The following IGSF11 variants were observed in gnomAD, a reference collection of about 807,000 sequenced individuals.
The protein encoded by IGSF11 is immunoglobulin superfamily member 11, also known as CXADR like 1.
In IGSF11, 22 loss-of-function variants were observed where a neutral mutation model predicts 41.0. The ratio of observed to expected loss-of-function variants is 0.54; its 90% CI spans 0.38 to 0.77. The LOEUF is 0.77. Ranked by LOEUF, IGSF11 falls within the 30% of genes least tolerant of loss-of-function variation. The pLI is 0.00. For missense variants in IGSF11, 444 were observed against 530.8 expected (o/e 0.84, Z 1.61); for synonymous variants, 219 against 201.3 (o/e 1.09, Z -0.74).
intron 1 of IGSF11, among the ~76,000 whole-genome samples, chr3:119,093,607 C>G (rs957194645): frequency 1.8e-4 from 28 of 152,158 alleles, no homozygotes; most frequent in Admixed American, 1.4e-3. Flanking sequence ...GTTTACTTCC[C>G]TCTACCTTCC....
intron 1 of IGSF11, among the ~76,000 whole-genome samples, chr3:119,096,152 T>C (rs1043118319): frequency 1.3e-5 from 2 of 152,066 alleles, no homozygotes; most frequent in Non-Finnish European, 2.9e-5. Flanking sequence ...TTGAGTAAAC[T>C]CTATCATGGT....
At chr3:118,997,928 T>C (rs1351333701) in intron 1 of IGSF11, among the ~76,000 whole-genome samples, 1 of 152,198 alleles carries the variant, frequency 6.6e-6, no homozygotes, top group East Asian at 1.9e-4. Context: ...CCATTACTTT[T>C]CCAAAGACAC....
chr3:118,927,054 G>GA (rs771259201), intron 3 of IGSF11, among the ~76,000 whole-genome samples: 29 of 151,630 alleles, frequency 1.9e-4, no homozygotes, highest in Admixed American at 3.3e-4. Flanking sequence ...ATGAATGAAT[G>GA]AAAAAATGAA....
At chr3:118,970,767 C>T (rs1185403663) in intron 1 of IGSF11, among the ~76,000 whole-genome samples, 1 of 142,798 alleles carries the variant, frequency 7.0e-6, no homozygotes, top group African/African-American at 2.6e-5. Context: ...AAAAAAAAAA[C>T]CACAACTAAT....
chr3:119,140,014 T>C (rs951712281), intron 1 of IGSF11, among the ~76,000 whole-genome samples: 1 of 151,870 alleles, frequency 6.6e-6, no homozygotes, highest in Admixed American at 6.6e-5. Context: ...ACTCCAAAAA[T>C]AGTAAAATAA....
At chr3:119,068,917 TTTTTTTTTTC>T (rs1364331603) in intron 1 of IGSF11, among the ~76,000 whole-genome samples, 309 of 11,406 alleles carry the variant, frequency 0.027, 5 homozygotes, top group African/African-American at 0.17. Context: ...GGTTATTTTC[TTTTTTTTTTC>T]TTTTTTTTTT....
chr3:118,985,913 G>C (rs540022772), intron 1 of IGSF11, among the ~76,000 whole-genome samples: 8 of 152,188 alleles, frequency 5.3e-5, no homozygotes, highest in African/African-American at 9.6e-5. Flanking sequence ...CCTCAGTATA[G>C]AGCCTTGAAA....
chr3:119,063,358 G>A (rs76843669), intron 1 of IGSF11, among the ~76,000 whole-genome samples: 3,931 of 152,268 alleles, frequency 0.026, 143 homozygotes, highest in African/African-American at 0.089. Flanking sequence ...TTTGGAACAG[G>A]TGAAAAAATT....
intron 1 of IGSF11, among the ~76,000 whole-genome samples, chr3:119,088,312 C>T (rs969284196): frequency 2.0e-5 from 3 of 151,588 alleles, no homozygotes; most frequent in African/African-American, 7.3e-5. Context: ...AAACAACTTA[C>T]TTCTAAATAA....
At chr3:119,119,760 CA>C (rs927610262) in intron 1 of IGSF11, among the ~76,000 whole-genome samples, 17 of 152,118 alleles carry the variant, frequency 1.1e-4, no homozygotes, top group African/African-American at 3.9e-4. Flanking sequence ...CTCAGCTTAG[CA>C]GGTGGGGGAG....
rs530099833 is a variant in IGSF11 at position 118,909,454 on chromosome 3, CAAA to C, written c.581-3739_581-3737del. Among the ~76,000 whole-genome samples, 518 of 152,090 alleles carry C rather than the reference CAAA, an allele frequency of 3.4e-3. 3 individuals are homozygous for C. Among genetic ancestry groups the C allele is most frequent in the African/African-American group, 0.011 (464 of 41,492 alleles). On this transcript the variant is annotated intron_variant, in intron 4 of 6. Coordinates refer to ENST00000393775, the MANE Select transcript of IGSF11 (RefSeq NM_001015887.3). ...ATAAAGGGAAATACAAAATAAATGT[CAAA>C]AATCTGTGGAAAAACTTAAAGATGA...
intron 1 of IGSF11, among the ~76,000 whole-genome samples, chr3:119,103,965 G>A (rs901721426): frequency 6.6e-5 from 10 of 152,118 alleles, no homozygotes; most frequent in African/African-American, 2.2e-4. Context: ...TGTGGCTAAG[G>A]TTTATAGGTT....
At position 118,995,620 on chromosome 3, in the gene IGSF11, T is replaced by C. The variant is rs1263967226; in HGVS notation, c.52+38911A>G. 2.0e-5 allele frequency among the ~76,000 whole-genome samples: 3 copies of C among 152,136 alleles called. No individual in the cohort carries two copies. The East Asian group carries it at 5.8e-4, about 29-fold the overall frequency. On this transcript the variant is annotated intron_variant, in intron 1 of 6. Transcript: ENST00000393775. ...ATAAGAATGAAGACAGAATCAAGGATGACTTCCGGGCTTATGGTTTGCTTG... is the reference window on the plus strand; with the variant it reads ...ATAAGAATGAAGACAGAATCAAGGACGACTTCCGGGCTTATGGTTTGCTTG...
At chr3:119,063,684 T>C (rs1296078125) in intron 1 of IGSF11, among the ~76,000 whole-genome samples, 1 of 152,228 alleles carries the variant, frequency 6.6e-6, no homozygotes, top group Non-Finnish European at 1.5e-5. Context: ...GTAGTTCCTT[T>C]TTAAATATCT....
Position 118,934,746 on chromosome 3 carries a change from C to A in IGSF11, c.53-4471G>T, listed in dbSNP as rs1033278595. Among the ~76,000 whole-genome samples the A allele has an allele frequency of 3.3e-5, 5 of 152,256 alleles. 1 individual carries two copies. The highest frequency in any genetic ancestry group is 1.9e-4 in the East Asian group (1 of 5,180). On this transcript the variant is annotated intron_variant, in intron 1 of 6. Transcript: ENST00000393775. ...ATGGTTGTGAATGGCTCGAACAGGGCCAAGCTGGGCAAGCCAGACATTTAG... is the reference window on the plus strand; with the variant it reads ...ATGGTTGTGAATGGCTCGAACAGGGACAAGCTGGGCAAGCCAGACATTTAG...
At chr3:119,128,032 T>C (rs2077426496) in intron 1 of IGSF11, among the ~76,000 whole-genome samples, 1 of 152,180 alleles carries the variant, frequency 6.6e-6, no homozygotes, top group Admixed American at 6.5e-5. Flanking sequence ...CATGATGACA[T>C]GATCAAACTC....
At chr3:119,105,958 C>T (rs149575345), upstream of IGSF11, among the ~76,000 whole-genome samples, 64 of 152,178 alleles carry the variant, frequency 4.2e-4, 1 homozygote, top group East Asian at 3.7e-3. Context: ...TCTTTCTACA[C>T]GGAGGCAAAA....
upstream of IGSF11, among the ~76,000 whole-genome samples, chr3:119,036,987 A>G (rs1463969710): frequency 6.6e-6 from 1 of 152,198 alleles, no homozygotes; most frequent in Non-Finnish European, 1.5e-5. Context: ...TAGATGGTGG[A>G]CCAGAAGAAA....
chr3:118,930,342 G>GT (rs1322553689), intron 1 of IGSF11, 67 bp from the exon 2 acceptor site: 2 of 1,457,494 alleles, frequency 1.4e-6, no homozygotes, highest in Admixed American at 4.5e-5. Context: ...CCTTCAGGAA[G>GT]GTTTGCGTGT....
Sources: allele counts gnomAD v4.1 joint callset (sites outside exome capture counted in the v4.1 genomes callset), GRCh38; gene constraint gnomAD v4.1.1; transcripts MANE v1.5; gene names NCBI Gene and HGNC (gene_info 2026-07-23, HGNC 2026-07-21).